The following VWA3A variants were observed in gnomAD, a reference collection of about 807,000 sequenced individuals.
VWA3A encodes von Willebrand factor A domain-containing protein 3A.
Under a neutral mutation model 160.4 loss-of-function variants are expected in VWA3A, and 134 were observed. The ratio of observed to expected loss-of-function variants is 0.84; its 90% CI spans 0.73 to 0.96. VWA3A has a LOEUF of 0.96. Ranked by LOEUF, VWA3A falls within the 40% of genes least tolerant of loss-of-function variation. The pLI, the probability that VWA3A is intolerant of heterozygous loss-of-function variation, is 0.00. For synonymous variants in VWA3A, 476 were observed against 543.4 expected, an observed-to-expected ratio of 0.88 and a Z score of 1.72; for missense variants, 1,310 against 1,447.9, an observed-to-expected ratio of 0.90 and a Z score of 1.55.
intron 5 of VWA3A, among the ~76,000 whole-genome samples, chr16:22,103,208 A>G (rs1407637246): frequency 6.6e-6 from 1 of 151,614 alleles, no homozygotes; most frequent in African/African-American, 2.4e-5. Context: ...AAATTTTTTT[A>G]TTTTTTGTAG....
At chr16:22,093,955 T>G (rs528819406) in intron 1 of VWA3A, among the ~76,000 whole-genome samples, 1 of 143,974 alleles carries the variant, frequency 6.9e-6, no homozygotes, top group African/African-American at 2.8e-5. Context: ...TTTTTTTTTA[T>G]ATAGAGACGG....
At position 22,146,110 on chromosome 16, in the gene VWA3A, C is replaced by T. The variant is rs556614521; in HGVS notation, c.2731-126C>T. The T allele has an allele frequency of 2.6e-5, 20 of 768,172 alleles. No homozygotes were observed. In the South Asian group the frequency reaches 3.3e-4, roughly 13 times the overall value. The allele number at this position is 768,172 out of a possible 1,614,324, so 47.6% of individuals were successfully genotyped here. A position where few individuals can be genotyped will look rare whatever the true frequency, so the allele number is the denominator to read the frequency against. ...GCGCTGGGATTACAGGCATGAGCCA[C>T]CGTGCCCAGCCAACAAATATTTTGA... On this transcript the variant is annotated intron_variant, in intron 26 of 33. Transcript: ENST00000389398.
At position 22,131,269 on chromosome 16, in the gene VWA3A, A is replaced by T; in HGVS notation, c.1717A>T (p.Ser573Cys). 6.2e-7 allele frequency: 1 copy of T among 1,613,950 alleles called. No homozygotes were observed. Among genetic ancestry groups the T allele is most frequent in the Non-Finnish European group, 8.5e-7 (1 of 1,179,868 alleles). The part of the protein sequence containing the change: ...MVPVSHNNLQ[S>C]AWRWALNLRC... ...TCCCGTGAGTCACAACAATTTACAA[A>T]GTGCCTGGCGGTAGGTTATGGGCAG... Residue 573 changes from serine (S) to cysteine (C), a missense_variant, in exon 18 of 34, where the codon AGT becomes TGT. Coordinates refer to ENST00000389398, the MANE Select transcript of VWA3A (RefSeq NM_173615.5).
At chr16:22,152,388 G>C (rs150715268) in intron 30 of VWA3A, 123 bp from the exon 31 acceptor site, 11 of 1,303,620 alleles carry the variant, frequency 8.4e-6, no homozygotes, top group Non-Finnish European at 1.0e-5. Flanking sequence ...GACAAGCCAC[G>C]GCCCATTGCC....
rs556811316 is a variant in VWA3A, at chr16:22,131,790, G to T, written c.1872+61G>T. The T allele has an allele frequency of 8.7e-4, 1,344 of 1,546,498 alleles. 15 individuals carry two copies. The Middle Eastern group carries it at 0.015, about 17-fold the overall frequency. ...TGCGACCTCATCCGTCTTCCCCCAGGTGGATACCTTGCCAAGGTTTCTGCA... is the reference window on the plus strand; with the variant it reads ...TGCGACCTCATCCGTCTTCCCCCAGTTGGATACCTTGCCAAGGTTTCTGCA... On this transcript the variant is annotated intron_variant, in intron 19 of 33. Transcript: ENST00000389398.
chr16:22,094,240 G>T (rs1481091183), intron 1 of VWA3A, among the ~76,000 whole-genome samples: 1 of 152,068 alleles, frequency 6.6e-6, no homozygotes, highest in Non-Finnish European at 1.5e-5. Flanking sequence ...CTATGGGGCG[G>T]CCAGTGTTCA....
At chr16:22,094,681 C>A (rs1225757974) in intron 1 of VWA3A, among the ~76,000 whole-genome samples, 1 of 152,040 alleles carries the variant, frequency 6.6e-6, no homozygotes, top group Non-Finnish European at 1.5e-5. Context: ...AGAACCAAGG[C>A]AGGTTGGGCG....
Position 22,156,347 on chromosome 16 carries a change from T to G in VWA3A, c.*330T>G. The G allele has an allele frequency of 5.3e-6, 1 of 187,438 alleles. No homozygotes were observed. 11.6% of individuals were successfully genotyped at this position (187,438 alleles called of 1,614,324 possible). On this transcript the variant is annotated 3_prime_UTR_variant, in exon 34 of 34. Transcript: ENST00000389398. Reference sequence around the variant, plus strand: ...TGCCTGAACGGTGCTTCTTGCCCCCTCTGCCTGGAGACTCCTGCTCATCCA... The same window carrying G: ...TGCCTGAACGGTGCTTCTTGCCCCCGCTGCCTGGAGACTCCTGCTCATCCA...
In VWA3A at chr16:22,132,655, T is replaced by A. The variant is rs565192429; in HGVS notation, c.1873-245T>A. ...GCATTTCTGGCAGGCTTCCAGGGGA[T>A]GTGGATGCTACTGGTCTAGAACATG... On this transcript the variant is annotated intron_variant, in intron 19 of 33. Transcript: ENST00000389398. 2.5e-4 allele frequency: 126 copies of A among 512,632 alleles called. 1 individual carries two copies. In the South Asian group the frequency reaches 4.2e-3, roughly 17 times the overall value. The allele number at this position is 512,632 out of a possible 1,614,324, so 31.8% of individuals were successfully genotyped here.
At chr16:22,138,312 T>A in intron 21 of VWA3A, 48 bp from the exon 22 acceptor site, 2 of 1,541,822 alleles carry the variant, frequency 1.3e-6, no homozygotes, top group Middle Eastern at 1.7e-4. Context: ...TGTGTGTGTG[T>A]GTCCACAGTG....
At chr16:22,126,058 C>A in intron 16 of VWA3A, 120 bp from the exon 17 acceptor site, 1 of 1,418,718 alleles carries the variant, frequency 7.0e-7, no homozygotes, top group Non-Finnish European at 9.6e-7. Flanking sequence ...AAGATTTTGG[C>A]CAGCTATGAA....
At chr16:22,122,219 G>A (rs569816105) in intron 14 of VWA3A, among the ~76,000 whole-genome samples, 1 of 142,108 alleles carries the variant, frequency 7.0e-6, no homozygotes, top group Non-Finnish European at 1.5e-5. Context: ...ATGGATGGGT[G>A]GGGGGGTGGG....
In VWA3A at chr16:22,121,064, A is replaced by G. The variant is rs1443549852; in HGVS notation, c.1213A>G (p.Lys405Glu). Residue 405 changes from lysine (K) to glutamate (E), a missense_variant, in exon 13 of 34, where the codon AAG becomes GAG. Transcript: ENST00000389398. ...PLTIEFPNLD[K>E]TSAEWLKVNG... ...CACCATTGAGTTTCCAAACTTGGAC[A>G]AGACTTCTGCAGAGTGGCTTAAGGT... 1.9e-6 allele frequency: 3 copies of G among 1,613,904 alleles called. No homozygotes were observed. The highest frequency in any genetic ancestry group is 2.5e-6 in the Non-Finnish European group (3 of 1,179,896).
intron 31 of VWA3A, among the ~76,000 whole-genome samples, chr16:22,153,215 A>T (rs1222886080): frequency 6.6e-6 from 1 of 152,136 alleles, no homozygotes; most frequent in Non-Finnish European, 1.5e-5. Context: ...GCATGGTGGC[A>T]TGCACGTGTA....
chr16:22,142,728 A>C lies in VWA3A; in HGVS notation c.2555A>C (p.Asp852Ala). The change falls in exon 25 of 34, where the codon GAC (aspartate) becomes GCC (alanine). Residue 852 changes from aspartate to alanine, a missense_variant. Physicochemically the swap from Asp to Ala is moderately radical, Grantham distance 126. Coordinates refer to ENST00000389398, the MANE Select transcript of VWA3A (RefSeq NM_173615.5). ...RGLRRTSSSI[D>A]LPRKDTVCSS... Reference sequence around the variant, plus strand: ...TTGAGAAGGACTAGCTCTTCTATTGACTTACCCAGAAAGGATACAGTTTGC... The same window carrying C: ...TTGAGAAGGACTAGCTCTTCTATTGCCTTACCCAGAAAGGATACAGTTTGC... 1.3e-6 allele frequency: 2 copies of C among 1,575,338 alleles called. No individual in the cohort carries two copies. Among genetic ancestry groups the C allele is most frequent in the Non-Finnish European group, 1.7e-6 (2 of 1,159,578 alleles).
chr16:22,107,223 G>A (rs1003957528), intron 6 of VWA3A, among the ~76,000 whole-genome samples: 6 of 152,146 alleles, frequency 3.9e-5, no homozygotes, highest in African/African-American at 9.7e-5. Context: ...TTTGCCCCAC[G>A]GGAACATTTA....
At chr16:22,109,636 C>T (rs2141866986) in intron 7 of VWA3A, 56 bp downstream of exon 7, 1 of 1,478,252 alleles carries the variant, frequency 6.8e-7, no homozygotes. Flanking sequence ...CCCAGCCTTT[C>T]CTTCCTGAGC....
intron 6 of VWA3A, among the ~76,000 whole-genome samples, chr16:22,106,506 G>A (rs1179901418): frequency 1.3e-5 from 2 of 152,108 alleles, no homozygotes; most frequent in African/African-American, 2.4e-5. Flanking sequence ...TGGGGAGAAT[G>A]TTCCAAGCAG....
chr16:22,118,997 C>T lies in VWA3A; in HGVS notation c.1086C>T (p.Pro362=), dbSNP rs1567205036. The change falls in exon 12 of 34, where the codon CCC becomes CCT. Residue 362 remains proline (P), a synonymous_variant. Transcript: ENST00000389398. ...SHVQALQHSS[P]CEALTCTMEE... is the part of the protein sequence containing the mutation. ...TGCAAGCCCTGCAGCACAGCAGCCCCTGTGAGGCGCTCACCTGCACCATGG... is the reference window on the plus strand; with the variant it reads ...TGCAAGCCCTGCAGCACAGCAGCCCTTGTGAGGCGCTCACCTGCACCATGG... 6.2e-7 allele frequency: 1 copy of T among 1,613,358 alleles called. No individual in the cohort carries two copies. The highest frequency in any genetic ancestry group is 8.5e-7 in the Non-Finnish European group (1 of 1,179,566).
Sources: gnomAD v4.1 joint callset for allele counts (sites outside exome capture counted in the v4.1 genomes callset) on GRCh38, gnomAD v4.1.1 for gene constraint, MANE v1.5 for transcripts, NCBI Gene and HGNC (gene_info 2026-07-23, HGNC 2026-07-21) for gene names.